Variants in PACSIN1 observed in about 807,000 individuals in gnomAD.
PACSIN1 encodes protein kinase C and casein kinase substrate in neurons protein 1.
A neutral mutation model predicts 59.5 loss-of-function variants in PACSIN1; 15 were observed. The ratio of observed to expected loss-of-function variants is 0.25; its 90% CI spans 0.17 to 0.39. The LOEUF (loss-of-function observed/expected upper bound fraction) is 0.39, where lower values mean the gene tolerates loss of function less well. PACSIN1 is among the 10% of genes least tolerant of loss of function. The pLI, the probability that PACSIN1 is intolerant of heterozygous loss-of-function variation, is 1.00. For missense variants in PACSIN1, 420 were observed against 580.2 expected (o/e 0.72, Z 2.84); for synonymous variants, 210 against 220.6 (o/e 0.95, Z 0.42).
chr6:34,482,120 CTT>C (rs1409207218), intron 1 of PACSIN1, among the ~76,000 whole-genome samples: 2 of 151,932 alleles, frequency 1.3e-5, no homozygotes, highest in African/African-American at 4.8e-5. Context: ...GAGTTTCACT[CTT>C]GTTGCCCAGG....
intron 1 of PACSIN1, among the ~76,000 whole-genome samples, chr6:34,513,486 G>A (rs1383933282): frequency 6.6e-6 from 1 of 151,558 alleles, no homozygotes; most frequent in Non-Finnish European, 1.5e-5. Context: ...GGCATGCTGT[G>A]TGTCCTGGGC....
rs1303964771 is a variant in PACSIN1, at chr6:34,488,489, G to C, written c.-64+22219G>C. On this transcript the variant is annotated intron_variant, in intron 1 of 9. Coordinates refer to ENST00000244458, the MANE Select transcript of PACSIN1 (RefSeq NM_020804.5). This position sits in a 1 kb window ranked among gnomAD's most constrained non-coding sequence, Gnocchi z 4.7. ...TTTAATGTGACTCTTGCTGTCTCTT[G>C]GTGGAACTATTTCCCCTTTGGGAAC... 6.6e-6 allele frequency among the ~76,000 whole-genome samples: 1 copy of C among 152,096 alleles called. No homozygotes were observed. The highest frequency in any genetic ancestry group is 1.5e-5 in the Non-Finnish European group (1 of 68,020).
intron 1 of PACSIN1, among the ~76,000 whole-genome samples, chr6:34,476,186 C>T (rs915663858): frequency 2.0e-5 from 3 of 152,148 alleles, no homozygotes; most frequent in Non-Finnish European, 4.4e-5. Flanking sequence ...TCATGAGTCC[C>T]AGCTTCCATA....
At chr6:34,478,436 G>A (rs1161613164) in intron 1 of PACSIN1, among the ~76,000 whole-genome samples, 14 of 133,718 alleles carry the variant, frequency 1.0e-4, no homozygotes, top group African/African-American at 3.7e-4. Context: ...GCAGTGGCAC[G>A]ATCTCGGCTC....
intron 1 of PACSIN1, among the ~76,000 whole-genome samples, chr6:34,509,485 T>G (rs1767166380): frequency 6.6e-6 from 1 of 152,232 alleles, no homozygotes; most frequent in South Asian, 2.1e-4. Flanking sequence ...AGTAATATGT[T>G]TTGAAATCAG....
At chr6:34,492,195 C>CTTTTTTTTTTTTT (rs55745060) in intron 1 of PACSIN1, among the ~76,000 whole-genome samples, 2 of 80,182 alleles carry the variant, frequency 2.5e-5, no homozygotes, top group Non-Finnish European at 4.6e-5. Flanking sequence ...CTTTTTTGAC[C>CTTTTTTTTTTTTT]TTTTTTTTTT....
At position 34,530,226 on chromosome 6, in the gene PACSIN1, C is replaced by A; in HGVS notation, c.789-17C>A. ...TTGAATCTGTGCCCTCCACCTCCCCCATCTCCCTGAGCACAGCTACATCCA... is the reference window on the plus strand; with the variant it reads ...TTGAATCTGTGCCCTCCACCTCCCCAATCTCCCTGAGCACAGCTACATCCA... On this transcript the variant is annotated splice_polypyrimidine_tract_variant and intron_variant, in intron 6 of 9. Coordinates refer to ENST00000244458, the MANE Select transcript of PACSIN1 (RefSeq NM_020804.5). The surrounding 1 kb of genome is among the most constrained non-coding windows in gnomAD (Gnocchi z 4.4). 6.2e-7 allele frequency: 1 copy of A among 1,600,170 alleles called. No homozygotes were observed.
intron 1 of PACSIN1, among the ~76,000 whole-genome samples, chr6:34,508,252 C>T (rs983826178): frequency 4.6e-5 from 7 of 151,994 alleles, no homozygotes; most frequent in South Asian, 2.1e-4. Context: ...TACAGACATG[C>T]GCCACCACAC....
At chr6:34,499,404 G>A (rs1766992762) in intron 1 of PACSIN1, among the ~76,000 whole-genome samples, 1 of 150,838 alleles carries the variant, frequency 6.6e-6, no homozygotes, top group Admixed American at 6.7e-5. Context: ...GTGGCCCAGG[G>A]GTTGGGGACT....
intron 2 of PACSIN1, 52 bp from the exon 3 acceptor site, chr6:34,527,280 G>C (rs1359654491): frequency 1.4e-6 from 2 of 1,451,062 alleles, no homozygotes; most frequent in Non-Finnish European, 1.8e-6. Flanking sequence ...CGGCGGGCGG[G>C]GCTGGGGACG....
At chr6:34,494,652 C>T (rs1009631595) in intron 1 of PACSIN1, among the ~76,000 whole-genome samples, 2 of 152,214 alleles carry the variant, frequency 1.3e-5, no homozygotes, top group East Asian at 1.9e-4. Flanking sequence ...CTGTGTTGCC[C>T]GGGCTGCTCT....
At chr6:34,495,815 A>C (rs76762393) in intron 1 of PACSIN1, among the ~76,000 whole-genome samples, 1 of 152,152 alleles carries the variant, frequency 6.6e-6, no homozygotes, top group Non-Finnish European at 1.5e-5. Context: ...TACTTCCCTA[A>C]ATCATACCAG....
chr6:34,475,595 CG>C (rs1409472335), intron 1 of PACSIN1, among the ~76,000 whole-genome samples: 1 of 152,146 alleles, frequency 6.6e-6, no homozygotes, highest in Non-Finnish European at 1.5e-5. Flanking sequence ...AAGCTGCTCC[CG>C]GGGAAGGGCC....
Position 34,532,900 on chromosome 6 carries a change from T to G in PACSIN1, c.*370T>G. 5.6e-6 allele frequency: 1 copy of G among 177,136 alleles called. No individual in the cohort carries two copies. The highest frequency in any genetic ancestry group is 1.2e-5 in the Non-Finnish European group (1 of 83,984). The allele number at this position is 177,136 out of a possible 1,614,324, so 11.0% of individuals were successfully genotyped here. ...CACTCCACTCCAGGCTGCCGGCACC[T>G]GCCCCATTCCCTGGCCTGGTTTCCT... On this transcript the variant is annotated 3_prime_UTR_variant, in exon 10 of 10. Transcript: ENST00000244458. This position sits in a 1 kb window ranked among gnomAD's most constrained non-coding sequence, Gnocchi z 5.2.
rs1434536346 is a variant in PACSIN1, at chr6:34,531,076, A to G, written c.1037+489A>G. ...TGGGGACCCCGGTCCAGATCACAGG[A>G]ACCAAGCCTCCTCTCTAAAAGATAG... is the stretch of plus-strand genomic sequence containing the variant. On this transcript the variant is annotated intron_variant, in intron 8 of 9. Transcript: ENST00000244458. The surrounding 1 kb of genome is among the most constrained non-coding windows in gnomAD (Gnocchi z 4.4). Among the ~76,000 whole-genome samples the G allele has an allele frequency of 1.3e-5, 2 of 152,190 alleles. No homozygotes were observed. Among genetic ancestry groups the G allele is most frequent in the Non-Finnish European group, 2.9e-5 (2 of 68,026 alleles).
Position 34,514,189 on chromosome 6 carries a change from G to T in PACSIN1, c.-63-12054G>T, listed in dbSNP as rs565821522. ...TGGGGTGCACATGTCCTGGACACAC[G>T]AGTGCTTAGGGCCACCCATGTGTGC... On this transcript the variant is annotated intron_variant, in intron 1 of 9. Transcript: ENST00000244458. This position sits in a 1 kb window ranked among gnomAD's most constrained non-coding sequence, Gnocchi z 4.4. Among the ~76,000 whole-genome samples, 1 of 152,052 alleles carries T rather than the reference G, an allele frequency of 6.6e-6. No homozygotes were observed. Among genetic ancestry groups the T allele is most frequent in the Non-Finnish European group, 1.5e-5 (1 of 68,020 alleles).
At chr6:34,492,355 C>T (rs572345583) in intron 1 of PACSIN1, among the ~76,000 whole-genome samples, 9 of 151,878 alleles carry the variant, frequency 5.9e-5, no homozygotes, top group Non-Finnish European at 8.8e-5. Context: ...GCTACAGGCA[C>T]GCATCACCAT....
intron 1 of PACSIN1, among the ~76,000 whole-genome samples, chr6:34,498,655 G>A (rs1430320756): frequency 6.6e-6 from 1 of 151,886 alleles, no homozygotes; most frequent in Non-Finnish European, 1.5e-5. Flanking sequence ...AAAAAATTAG[G>A]CATGGTTGCA....
intron 1 of PACSIN1, among the ~76,000 whole-genome samples, chr6:34,473,096 C>T (rs892693781): frequency 1.4e-4 from 21 of 151,978 alleles, no homozygotes; most frequent in African/African-American, 4.6e-4. Context: ...CAGCACCTGT[C>T]GTCGAGGAAT....
Sources: allele counts gnomAD v4.1 joint callset (sites outside exome capture counted in the v4.1 genomes callset), GRCh38; gene constraint gnomAD v4.1.1; non-coding constraint Gnocchi (gnomAD v3.1); transcripts MANE v1.5; gene names NCBI Gene and HGNC (gene_info 2026-07-23, HGNC 2026-07-21).